Variants in ANGPT1 observed in about 807,000 individuals in gnomAD.
ANGPT1 encodes the protein angiopoietin-1.
In ANGPT1, 17 loss-of-function variants were observed where a neutral mutation model predicts 62.2. That is an observed-to-expected ratio of 0.27 (90% CI 0.19 to 0.41). ANGPT1 has a LOEUF of 0.41. Ranked by LOEUF, ANGPT1 falls within the 10% of genes least tolerant of loss-of-function variation. ANGPT1 has a pLI of 1.00. For missense variants in ANGPT1, 478 were observed against 594.9 expected, an observed-to-expected ratio of 0.80 and a Z score of 2.04; for synonymous variants, 199 against 198.9, an observed-to-expected ratio of 1.00 and a Z score of 0.00.
chr8:107,300,086 GATCTATATATATCTCTATAT>G lies in ANGPT1; in HGVS notation c.936+3134_936+3153del, dbSNP rs545936000. 5.5e-4 allele frequency among the ~76,000 whole-genome samples: 75 copies of G among 135,464 alleles called. 1 individual carries two copies. In the East Asian group the frequency reaches 0.013, roughly 24 times the overall value. The allele number at this position is 135,464 out of a possible 152,430, so 88.9% of individuals were successfully genotyped here. ...AGATATAGGTATCTATATCTATAGA[GATCTATATATATCTCTATAT>G]ATCTATATATAGTATATATATAGTA... On this transcript the variant is annotated intron_variant, in intron 5 of 8. Transcript: ENST00000517746.
At chr8:107,380,718 G>A (rs1816620568) in intron 1 of ANGPT1, among the ~76,000 whole-genome samples, 1 of 151,984 alleles carries the variant, frequency 6.6e-6, no homozygotes, top group Admixed American at 6.6e-5. Flanking sequence ...CTTTCTGAGG[G>A]GAAAATCTTT....
chr8:107,331,642 T>C (rs1815423223), intron 3 of ANGPT1, among the ~76,000 whole-genome samples: 1 of 152,210 alleles, frequency 6.6e-6, no homozygotes, highest in African/African-American at 2.4e-5. Flanking sequence ...AAGTGTAAAA[T>C]AGAAATAATA....
At chr8:107,349,946 C>T (rs1451128652) in intron 1 of ANGPT1, among the ~76,000 whole-genome samples, 3 of 152,066 alleles carry the variant, frequency 2.0e-5, no homozygotes, top group Admixed American at 2.0e-4. Flanking sequence ...GGTAAAGAAT[C>T]AGTGCATCTC....
intron 7 of ANGPT1, among the ~76,000 whole-genome samples, chr8:107,267,494 C>A (rs1316503173): frequency 3.3e-5 from 5 of 152,232 alleles, no homozygotes; most frequent in Non-Finnish European, 7.4e-5. Flanking sequence ...AAAGAGACAT[C>A]TTTCCAGATC....
At chr8:107,349,143 T>TAGATAGAC (rs1292552641) in intron 1 of ANGPT1, among the ~76,000 whole-genome samples, 1 of 151,500 alleles carries the variant, frequency 6.6e-6, no homozygotes, top group African/African-American at 2.4e-5. Context: ...GATAGATAGA[T>TAGATAGAC]AGATAGATAG....
chr8:107,404,510 A>G (rs993091556), intron 1 of ANGPT1, among the ~76,000 whole-genome samples: 1 of 152,096 alleles, frequency 6.6e-6, no homozygotes, highest in Non-Finnish European at 1.5e-5. Context: ...TAAAGATCAT[A>G]TGTATTGGAC....
chr8:107,259,911 A>AT lies in ANGPT1; in HGVS notation c.1336+4309dup, dbSNP rs987484764. The stretch of plus-strand genomic sequence containing the variant: ...TAATTTTGGAATCAGAATTTTTCAC[A>AT]TATTTATCTCCATATACAATAAATC... On this transcript the variant is annotated intron_variant, in intron 8 of 8. Transcript: ENST00000517746. Among the ~76,000 whole-genome samples, 11 of 152,244 alleles carry AT rather than the reference A, an allele frequency of 7.2e-5. 1 individual carries two copies. The highest frequency in any genetic ancestry group is 2.0e-4 in the Admixed American group (3 of 15,298).
chr8:107,368,191 A>G (rs1242209269), intron 1 of ANGPT1, among the ~76,000 whole-genome samples: 1 of 152,210 alleles, frequency 6.6e-6, no homozygotes, highest in Admixed American at 6.6e-5. Flanking sequence ...GTTAGCAGGT[A>G]TAAAAACAAT....
At chr8:107,484,279 C>T (rs925577967) in intron 1 of ANGPT1, among the ~76,000 whole-genome samples, 6 of 152,224 alleles carry the variant, frequency 3.9e-5, no homozygotes, top group Middle Eastern at 3.4e-3. Context: ...ACTTTAGTGG[C>T]CCTCAGTTTC....
At chr8:107,449,726 C>T (rs145261776) in intron 1 of ANGPT1, among the ~76,000 whole-genome samples, 14 of 152,124 alleles carry the variant, frequency 9.2e-5, no homozygotes, top group Non-Finnish European at 2.1e-4. Context: ...GAGTTTAGGC[C>T]ATGTTGTAAT....
rs377361690 is a variant in ANGPT1, at chr8:107,437,396, C to A, written c.297+59866G>T. Among the ~76,000 whole-genome samples the A allele has an allele frequency of 3.9e-5, 6 of 152,152 alleles. No individual in the cohort carries two copies. The East Asian group carries it at 1.2e-3, about 29-fold the overall frequency. On this transcript the variant is annotated intron_variant, in intron 1 of 8. Transcript: ENST00000517746. ...TACCTTGAAATTAAGTTTTGTGAAA[C>A]AATTTCCAGGTTTTATAAAGCTGGA...
chr8:107,429,850 C>T (rs1346015391), intron 1 of ANGPT1, among the ~76,000 whole-genome samples: 2 of 132,278 alleles, frequency 1.5e-5, no homozygotes, highest in African/African-American at 2.6e-5. Flanking sequence ...TTTTAGGACA[C>T]TCTGACAGAA....
intron 1 of ANGPT1, among the ~76,000 whole-genome samples, chr8:107,481,340 C>T (rs1014805688): frequency 2.0e-5 from 3 of 151,936 alleles, no homozygotes; most frequent in Admixed American, 1.3e-4. Context: ...CGAAACCATC[C>T]TGGCCAACAT....
chr8:107,467,402 C>G (rs1038738045), intron 1 of ANGPT1, among the ~76,000 whole-genome samples: 3 of 151,660 alleles, frequency 2.0e-5, no homozygotes, highest in African/African-American at 7.3e-5. Context: ...CCCACCAAAA[C>G]GTACAATTTA....
chr8:107,394,999 A>C (rs1816908125), intron 1 of ANGPT1, among the ~76,000 whole-genome samples: 2 of 152,174 alleles, frequency 1.3e-5, no homozygotes, highest in South Asian at 4.1e-4. Context: ...TATAGATTGA[A>C]GAATATCTAG....
At chr8:107,473,435 C>T (rs1189394995) in intron 1 of ANGPT1, among the ~76,000 whole-genome samples, 1 of 151,792 alleles carries the variant, frequency 6.6e-6, no homozygotes, top group Non-Finnish European at 1.5e-5. Context: ...ATTGAAAACA[C>T]AAGGTCAGAG....
chr8:107,421,451 A>C (rs976342238), intron 1 of ANGPT1, among the ~76,000 whole-genome samples: 3 of 152,254 alleles, frequency 2.0e-5, no homozygotes, highest in Non-Finnish European at 4.4e-5. Context: ...AGAAAAAGAC[A>C]GTAAAGTCTC....
intron 4 of ANGPT1, among the ~76,000 whole-genome samples, chr8:107,315,699 T>C (rs1439146562): frequency 6.6e-6 from 1 of 152,148 alleles, no homozygotes; most frequent in African/African-American, 2.4e-5. Flanking sequence ...GATTTTACAC[T>C]GTCATTTTTT....
chr8:107,258,484 T>C (rs1487866813), intron 8 of ANGPT1, among the ~76,000 whole-genome samples: 1 of 152,156 alleles, frequency 6.6e-6, no homozygotes, highest in Non-Finnish European at 1.5e-5. Context: ...ACAAAATTAA[T>C]TGGTTATTTC....
Sources: gnomAD v4.1 joint callset for allele counts (sites outside exome capture counted in the v4.1 genomes callset) on GRCh38, gnomAD v4.1.1 for gene constraint, MANE v1.5 for transcripts, NCBI Gene and HGNC (gene_info 2026-07-23, HGNC 2026-07-21) for gene names.